PPP1R37: variants seen among roughly 807,000 people sequenced by gnomAD.
PPP1R37 encodes the protein leucine rich repeat containing 68.
In PPP1R37, 21 loss-of-function variants were observed where a neutral mutation model predicts 61.0. The observed-to-expected ratio is 0.34, with a 90% CI of 0.24 to 0.50. The LOEUF (loss-of-function observed/expected upper bound fraction) is 0.50. Among genes scored for constraint, PPP1R37 ranks in the 20% least tolerant of loss-of-function variants. The probability of loss-of-function intolerance (pLI) is 0.98; values close to 1 mark genes in which losing one functional copy is unlikely to be tolerated. For missense variants in PPP1R37, 910 were observed against 952.7 expected, an observed-to-expected ratio of 0.96 and a Z score of 0.59; for synonymous variants, 443 against 433.5, an observed-to-expected ratio of 1.02 and a Z score of -0.27.
At chr19:45,113,070 C>G (rs1014356003) in intron 1 of PPP1R37, among the ~76,000 whole-genome samples, 3 of 152,186 alleles carry the variant, frequency 2.0e-5, no homozygotes, top group African/African-American at 7.2e-5. Context: ...AGAGTCAGTG[C>G]CTAACTACAC....
At chr19:45,100,232 A>G (rs1028101650) in intron 1 of PPP1R37, 1 of 152,206 alleles carries the variant, frequency 6.6e-6, no homozygotes, top group Non-Finnish European at 1.5e-5. Context: ...ACCTCAGTTC[A>G]GGGGTGGCTG....
chr19:45,117,332 C>A (rs1968281923), intron 1 of PPP1R37, among the ~76,000 whole-genome samples: 1 of 152,136 alleles, frequency 6.6e-6, no homozygotes, highest in Non-Finnish European at 1.5e-5. Context: ...CGGGAACAAA[C>A]CACAAAGCCT....
At chr19:45,122,718 C>T (rs1287191454) in intron 1 of PPP1R37, among the ~76,000 whole-genome samples, 1 of 152,028 alleles carries the variant, frequency 6.6e-6, no homozygotes, top group African/African-American at 2.4e-5. Flanking sequence ...GTAACAGGTG[C>T]AAAGACCCTG....
rs781673212 is a variant in PPP1R37, at chr19:45,113,016, G to C, written c.202+19489G>C. On this transcript the variant is annotated intron_variant, in intron 1 of 12. Coordinates refer to ENST00000221462, the MANE Select transcript of PPP1R37 (RefSeq NM_019121.2). ...TTCCTTTACCTGTGCTGGGCTCTGT[G>C]GCAGAGGGAGGGGTCACAGCTCCTG... is the stretch of plus-strand genomic sequence containing the variant. Among the ~76,000 whole-genome samples, 38 of 152,316 alleles carry C rather than the reference G, an allele frequency of 2.5e-4. No homozygotes were observed. The Middle Eastern group carries it at 0.01, about 41-fold the overall frequency.
intron 1 of PPP1R37, among the ~76,000 whole-genome samples, chr19:45,103,327 G>A (rs1163871123): frequency 9.9e-5 from 15 of 152,226 alleles, no homozygotes; most frequent in Non-Finnish European, 4.4e-5. Context: ...ACTTCGCAGC[G>A]GAAGCCTGGG....
At position 45,093,201 on chromosome 19, in the gene PPP1R37, G is replaced by T. The variant is rs2122699221; in HGVS notation, c.-125G>T. 3.8e-6 allele frequency: 3 copies of T among 780,562 alleles called. No individual in the cohort carries two copies. 48.4% of individuals were successfully genotyped at this position (780,562 alleles called of 1,614,324 possible). A position where few individuals can be genotyped will look rare whatever the true frequency, so the allele number is the denominator to read the frequency against. ...GGCGACGACTACGACCACTAGGAGAGCGGACGGAGGCGGCGCCTGAAGCGG... is the reference window on the plus strand; with the variant it reads ...GGCGACGACTACGACCACTAGGAGATCGGACGGAGGCGGCGCCTGAAGCGG... On this transcript the variant is annotated 5_prime_UTR_variant, in exon 1 of 13. Transcript: ENST00000221462.
chr19:45,114,884 C>A (rs1324095479), intron 1 of PPP1R37, among the ~76,000 whole-genome samples: 4 of 152,120 alleles, frequency 2.6e-5, no homozygotes, highest in African/African-American at 4.8e-5. Context: ...TTGGGAAGCT[C>A]CTTCCAGCTG....
rs989548520 is a variant in PPP1R37 at position 45,140,191 on chromosome 19, C to A, written c.301-45C>A. On this transcript the variant is annotated intron_variant, in intron 2 of 12. Transcript: ENST00000221462. ...AGCCATTTGGGGCCTCGGCTGCCCC[C>A]CTGTTCAAGTGTCTTCCTGCCTTAA... 4.0e-6 allele frequency: 6 copies of A among 1,510,218 alleles called. No individual in the cohort carries two copies. The Admixed American group carries it at 9.8e-5, about 25-fold the overall frequency. 93.6% of individuals were successfully genotyped at this position (1,510,218 alleles called of 1,614,324 possible). A position where few individuals can be genotyped will look rare whatever the true frequency, so the allele number is the denominator to read the frequency against.
At chr19:45,142,500 A>G in intron 7 of PPP1R37, 42 bp downstream of exon 7, 1 of 1,523,904 alleles carries the variant, frequency 6.6e-7, no homozygotes, top group Non-Finnish European at 8.8e-7. Context: ...GTCACCCAGC[A>G]CCCACTCTGC....
At chr19:45,105,588 A>C (rs1052803350) in intron 1 of PPP1R37, among the ~76,000 whole-genome samples, 2 of 152,112 alleles carry the variant, frequency 1.3e-5, no homozygotes, top group Non-Finnish European at 2.9e-5. Flanking sequence ...CATGTGTCAC[A>C]GGTGTCAGGG....
chr19:45,104,541 T>A (rs1968105411), intron 1 of PPP1R37, among the ~76,000 whole-genome samples: 1 of 152,196 alleles, frequency 6.6e-6, no homozygotes, highest in African/African-American at 2.4e-5. Flanking sequence ...TGCCTCCACT[T>A]TGCTGTCCCT....
At chr19:45,146,158 T>C (rs1968696814) in intron 11 of PPP1R37, 109 bp downstream of exon 11, 3 of 1,256,340 alleles carry the variant, frequency 2.4e-6, no homozygotes, top group Admixed American at 5.6e-5. Flanking sequence ...AAAATGGTTC[T>C]CGCAGGGGCC....
chr19:45,137,531 T>A, intron 1 of PPP1R37, among the ~76,000 whole-genome samples: 1 of 152,340 alleles, frequency 6.6e-6, no homozygotes, highest in South Asian at 2.1e-4. Context: ...CCTTCATTCA[T>A]GCTGGGAGCC....
chr19:45,095,223 T>C (rs577767733), intron 1 of PPP1R37, among the ~76,000 whole-genome samples: 10 of 152,164 alleles, frequency 6.6e-5, no homozygotes, highest in Non-Finnish European at 1.2e-4. Context: ...AGTCTCCCTC[T>C]GTCGCCCAGG....
chr19:45,121,924 G>A lies in PPP1R37; in HGVS notation c.203-16590G>A, dbSNP rs959177099. On this transcript the variant is annotated intron_variant, in intron 1 of 12. Coordinates refer to ENST00000221462, the MANE Select transcript of PPP1R37 (RefSeq NM_019121.2). The surrounding 1 kb of genome is among the most constrained non-coding windows in gnomAD (Gnocchi z 4.2). ...AGCCTGGGGAAGGGCTTGGAGGCGG[G>A]AGTGAGGATGGTCTCCACGTGGGCA... 2.6e-5 allele frequency among the ~76,000 whole-genome samples: 4 copies of A among 152,242 alleles called. No homozygotes were observed. The highest frequency in any genetic ancestry group is 9.6e-5 in the African/African-American group (4 of 41,460).
chr19:45,106,253 T>TG (rs1447444935), intron 1 of PPP1R37, among the ~76,000 whole-genome samples: 20 of 152,196 alleles, frequency 1.3e-4, no homozygotes, highest in African/African-American at 2.6e-4. Flanking sequence ...TTTTTGTTTT[T>TG]TTTTTGAGAT....
intron 1 of PPP1R37, among the ~76,000 whole-genome samples, chr19:45,102,155 A>T (rs1026092662): frequency 7.2e-5 from 11 of 152,232 alleles, no homozygotes; most frequent in Admixed American, 5.2e-4. Flanking sequence ...CAGGTCTCAC[A>T]GTACCCAGAT....
At chr19:45,141,299 A>G (rs547596245) in intron 4 of PPP1R37, 23 bp from the exon 5 acceptor site, 44 of 1,528,180 alleles carry the variant, frequency 2.9e-5, no homozygotes, top group Non-Finnish European at 3.7e-5. Context: ...GCTGAGGCTG[A>G]GCCCCCGAAT....
intron 8 of PPP1R37, 40 bp downstream of exon 8, chr19:45,143,673 C>A (rs1319837852): frequency 8.2e-7 from 1 of 1,214,968 alleles, no homozygotes; most frequent in South Asian, 1.3e-5. Flanking sequence ...CCTCGGTCCC[C>A]GCTGCCACCT....
Sources: allele counts gnomAD v4.1 joint callset (sites outside exome capture counted in the v4.1 genomes callset), GRCh38; gene constraint gnomAD v4.1.1; non-coding constraint Gnocchi (gnomAD v3.1); transcripts MANE v1.5; gene names NCBI Gene and HGNC (gene_info 2026-07-23, HGNC 2026-07-21).